AFF3: variants seen among roughly 807,000 people sequenced by gnomAD.
The protein encoded by AFF3 is ALF transcription elongation factor 3.
AFF3 carries 32 observed loss-of-function variants against 129.7 expected under a neutral mutation model. The ratio of observed to expected loss-of-function variants is 0.25; its 90% CI spans 0.19 to 0.33. The LOEUF is 0.33. Among genes scored for constraint, AFF3 ranks in the 10% least tolerant of loss-of-function variants. The pLI is 1.00. For synonymous variants in AFF3, 644 were observed against 635.4 expected, an observed-to-expected ratio of 1.01 and a Z score of -0.20; for missense variants, 1,373 against 1,592.0, an observed-to-expected ratio of 0.86 and a Z score of 2.34.
chr2:99,599,635 C>T (rs1205546207), intron 14 of AFF3, among the ~76,000 whole-genome samples: 2 of 152,198 alleles, frequency 1.3e-5, no homozygotes, highest in African/African-American at 4.8e-5. Flanking sequence ...TAAGCCTGAA[C>T]ATTCATGAAT....
chr2:100,139,975 T>TGCAGAGGGTG (rs1378391615), intron 1 of AFF3, among the ~76,000 whole-genome samples: 2 of 152,154 alleles, frequency 1.3e-5, no homozygotes, highest in Admixed American at 1.3e-4. Context: ...TGCAAATGGG[T>TGCAGAGGGTG]CATTTGAAAG....
chr2:99,836,480 A>C, intron 8 of AFF3, among the ~76,000 whole-genome samples: 1 of 152,170 alleles, frequency 6.6e-6, no homozygotes, highest in East Asian at 1.9e-4. Flanking sequence ...GCCAGAAAAA[A>C]AATCATTATG....
At chr2:100,092,817 T>C (rs1187482155) in intron 4 of AFF3, among the ~76,000 whole-genome samples, 7 of 151,728 alleles carry the variant, frequency 4.6e-5, no homozygotes, top group African/African-American at 1.5e-4. Context: ...ATCCCTAAAA[T>C]ACCATGCTGA....
intron 7 of AFF3, among the ~76,000 whole-genome samples, chr2:99,958,967 C>T (rs1676942662): frequency 6.6e-6 from 1 of 151,842 alleles, no homozygotes; most frequent in Non-Finnish European, 1.5e-5. Flanking sequence ...CAAAAATTAG[C>T]CAGGCGTGGG....
intron 4 of AFF3, among the ~76,000 whole-genome samples, chr2:100,031,567 C>T (rs1684496891): frequency 6.6e-6 from 1 of 152,168 alleles, no homozygotes; most frequent in Non-Finnish European, 1.5e-5. Context: ...ACCAGGGCCA[C>T]TTGGAAAAAT....
intron 1 of AFF3, among the ~76,000 whole-genome samples, chr2:100,130,784 C>A (rs570061071): frequency 6.6e-6 from 1 of 152,216 alleles, no homozygotes; most frequent in Non-Finnish European, 1.5e-5. Flanking sequence ...GACAGCCCCA[C>A]AGAGACAGCC....
intron 4 of AFF3, among the ~76,000 whole-genome samples, chr2:100,092,557 C>T (rs1470851618): frequency 1.3e-5 from 2 of 152,212 alleles, no homozygotes; most frequent in African/African-American, 2.4e-5. Flanking sequence ...CTTAGAAAGC[C>T]ATGCAAGGCC....
rs1350417200 is a variant in AFF3, at chr2:99,547,633, A to C, written c.*3841T>G. 1 of 208,846 alleles carries C rather than the reference A, an allele frequency of 4.8e-6. No homozygotes were observed. Among genetic ancestry groups the C allele is most frequent in the Non-Finnish European group, 9.7e-6 (1 of 102,722 alleles). 12.9% of individuals were successfully genotyped at this position (208,846 alleles called of 1,614,324 possible). ...ATAAATAATGTTGGCTGCACTGATT[A>C]ATTTTATAACAATTACTGCACTTCC... On this transcript the variant is annotated 3_prime_UTR_variant, in exon 25 of 25. Coordinates refer to ENST00000672756, the MANE Select transcript of AFF3 (RefSeq NM_001386135.1).
intron 7 of AFF3, among the ~76,000 whole-genome samples, chr2:99,918,657 C>G (rs1695647725): frequency 1.3e-5 from 2 of 152,206 alleles, no homozygotes; most frequent in African/African-American, 4.8e-5. Flanking sequence ...ATGACTGTTA[C>G]AGTCAGTGCT....
chr2:99,840,571 T>C (rs12473053), intron 7 of AFF3, among the ~76,000 whole-genome samples: 16,144 of 152,222 alleles, frequency 0.11, 1,061 homozygotes, highest in Admixed American at 0.21. Flanking sequence ...ATGCTTTCAC[T>C]AATACTTCAC....
At chr2:99,806,329 T>G (rs1202912658) in intron 8 of AFF3, among the ~76,000 whole-genome samples, 1 of 152,202 alleles carries the variant, frequency 6.6e-6, no homozygotes, top group East Asian at 1.9e-4. Flanking sequence ...GTATGGGATA[T>G]GCAACACAGA....
intron 4 of AFF3, among the ~76,000 whole-genome samples, chr2:100,064,189 T>C (rs1481690535): frequency 2.0e-5 from 3 of 151,844 alleles, no homozygotes; most frequent in Non-Finnish European, 2.9e-5. Flanking sequence ...AGAAAAGAGA[T>C]GTTAAATTGC....
intron 4 of AFF3, among the ~76,000 whole-genome samples, chr2:100,026,243 G>T (rs1016884589): frequency 3.3e-5 from 5 of 152,102 alleles, no homozygotes; most frequent in African/African-American, 1.2e-4. Flanking sequence ...CTAAGGACAT[G>T]AATAGACAAT....
intron 11 of AFF3, among the ~76,000 whole-genome samples, chr2:99,723,457 T>C (rs1575793466): frequency 1.3e-5 from 2 of 152,238 alleles, no homozygotes; most frequent in South Asian, 2.1e-4. Flanking sequence ...CAGAGGGATG[T>C]ATAGGCCTTA....
At chr2:99,970,067 T>C (rs1340356336) in intron 7 of AFF3, among the ~76,000 whole-genome samples, 1 of 152,214 alleles carries the variant, frequency 6.6e-6, no homozygotes, top group African/African-American at 2.4e-5. Context: ...AATGGTGATC[T>C]GCTCTGTGAG....
intron 2 of AFF3, among the ~76,000 whole-genome samples, chr2:100,124,193 C>T (rs749425175): frequency 2.6e-5 from 4 of 151,906 alleles, no homozygotes; most frequent in African/African-American, 4.8e-5. Flanking sequence ...CTTGAAGATG[C>T]GTCTAGGAGA....
At chr2:100,067,023 T>A (rs1206154539) in intron 4 of AFF3, among the ~76,000 whole-genome samples, 1 of 152,166 alleles carries the variant, frequency 6.6e-6, no homozygotes, top group African/African-American at 2.4e-5. Flanking sequence ...GTCACTTGAT[T>A]CATATCTTCA....
intron 8 of AFF3, among the ~76,000 whole-genome samples, chr2:99,760,523 C>T (rs924728536): frequency 6.6e-6 from 1 of 152,154 alleles, no homozygotes; most frequent in African/African-American, 2.4e-5. Flanking sequence ...TTGCACTTAG[C>T]TTGCTCCACA....
intron 3 of AFF3, 51 bp downstream of exon 3, chr2:100,105,453 C>T (rs1270757056): frequency 1.5e-6 from 2 of 1,322,550 alleles, no homozygotes; most frequent in East Asian, 4.5e-5. Context: ...TCCCACCCAC[C>T]CTCTAGCTGG....
Sources: allele counts gnomAD v4.1 joint callset (sites outside exome capture counted in the v4.1 genomes callset), GRCh38; gene constraint gnomAD v4.1.1; transcripts MANE v1.5; gene names NCBI Gene and HGNC (gene_info 2026-07-23, HGNC 2026-07-21).